RBMS3: variants seen among roughly 807,000 people sequenced by gnomAD.
RBMS3 encodes RNA-binding motif, single-stranded-interacting protein 3.
RBMS3 carries 27 observed loss-of-function variants against 66.8 expected under a neutral mutation model. That is an observed-to-expected ratio of 0.40 (90% CI 0.30 to 0.56). The LOEUF is 0.56. RBMS3 is among the 20% of genes least tolerant of loss of function. The pLI is 0.40. For synonymous variants in RBMS3, 188 were observed against 183.0 expected, an observed-to-expected ratio of 1.03 and a Z score of -0.22; for missense variants, 513 against 549.5, an observed-to-expected ratio of 0.93 and a Z score of 0.66.
At chr3:29,792,474 C>T (rs1339483296) in intron 6 of RBMS3, among the ~76,000 whole-genome samples, 5 of 152,124 alleles carry the variant, frequency 3.3e-5, no homozygotes, top group Admixed American at 1.3e-4. Context: ...AAAATGTGCA[C>T]ATATTGTTGT....
intron 12 of RBMS3, among the ~76,000 whole-genome samples, chr3:29,951,332 A>T (rs1364357658): frequency 6.6e-6 from 1 of 151,840 alleles, no homozygotes; most frequent in Non-Finnish European, 1.5e-5. Flanking sequence ...AACAGGAAAA[A>T]GTATGGTAGA....
chr3:29,972,039 G>T (rs990981361), intron 12 of RBMS3, among the ~76,000 whole-genome samples: 6 of 152,102 alleles, frequency 3.9e-5, no homozygotes, highest in African/African-American at 1.4e-4. Context: ...AATGGGAGTG[G>T]AATAAAATTT....
chr3:29,911,998 G>T (rs527317972), intron 10 of RBMS3, among the ~76,000 whole-genome samples: 1 of 152,114 alleles, frequency 6.6e-6, no homozygotes, highest in Non-Finnish European at 1.5e-5. Context: ...TAGATAGATA[G>T]ATAGATAAAT....
At chr3:29,910,008 A>G (rs553430614) in intron 10 of RBMS3, among the ~76,000 whole-genome samples, 13 of 152,250 alleles carry the variant, frequency 8.5e-5, no homozygotes, top group African/African-American at 3.1e-4. Flanking sequence ...TTTCTTCATT[A>G]CTTCATCATT....
chr3:29,997,738 T>G (rs1387860806), intron 14 of RBMS3, among the ~76,000 whole-genome samples: 3 of 152,090 alleles, frequency 2.0e-5, no homozygotes, highest in Non-Finnish European at 4.4e-5. Context: ...CTAAAAACTC[T>G]TAATAAATTA....
At chr3:29,953,262 G>A (rs751715940) in intron 12 of RBMS3, among the ~76,000 whole-genome samples, 17 of 151,936 alleles carry the variant, frequency 1.1e-4, no homozygotes, top group South Asian at 4.2e-4. Flanking sequence ...AGAAGGGCTC[G>A]AGCTGTCATT....
At chr3:29,997,020 G>C (rs551077696) in intron 14 of RBMS3, among the ~76,000 whole-genome samples, 1 of 151,706 alleles carries the variant, frequency 6.6e-6, no homozygotes. Context: ...TAGACCGCTA[G>C]CAAGACTAAT....
chr3:29,708,728 C>G (rs77030770), intron 4 of RBMS3, among the ~76,000 whole-genome samples: 4,254 of 152,210 alleles, frequency 0.028, 85 homozygotes, highest in Admixed American at 0.064. Flanking sequence ...CTCCCTACAC[C>G]TGTTTCTGGT....
At chr3:29,779,034 CT>C in intron 6 of RBMS3, among the ~76,000 whole-genome samples, 1 of 151,776 alleles carries the variant, frequency 6.6e-6, no homozygotes, top group Non-Finnish European at 1.5e-5. Context: ...TACATCATTT[CT>C]TTAGTCTGGT....
chr3:29,794,053 T>C (rs2057097805), intron 6 of RBMS3, among the ~76,000 whole-genome samples: 1 of 152,204 alleles, frequency 6.6e-6, no homozygotes, highest in Non-Finnish European at 1.5e-5. Flanking sequence ...TCTGCCATGA[T>C]TGTAAGTTTC....
chr3:29,425,249 C>T (rs939980260), intron 1 of RBMS3, among the ~76,000 whole-genome samples: 2 of 149,340 alleles, frequency 1.3e-5, no homozygotes, highest in Non-Finnish European at 3.0e-5. Context: ...TGTCACCCGC[C>T]TGTAGTCCCA....
chr3:29,397,177 A>G lies in RBMS3; in HGVS notation c.76-37566A>G, dbSNP rs150722448. Among the ~76,000 whole-genome samples the G allele has an allele frequency of 1.2e-4, 18 of 152,278 alleles. No homozygotes were observed. The East Asian group carries it at 3.5e-3, about 29-fold the overall frequency. ...ACTGATGCTCTTTAAATGCATGTTT[A>G]TATACACAATTTCCAGGATGACATG... On this transcript the variant is annotated intron_variant, in intron 1 of 14. Coordinates refer to ENST00000383767, the MANE Select transcript of RBMS3 (RefSeq NM_001003793.3).
rs1336380940 is a variant in RBMS3, at chr3:30,005,066, T to C, written c.*1204T>C. On this transcript the variant is annotated 3_prime_UTR_variant, in exon 15 of 15. Transcript: ENST00000383767. The stretch of plus-strand genomic sequence containing the variant: ...AAGATGAAGTGACACCCTATTACAG[T>C]CCAGAAGATAGAGGTTGTTTTCGTT... The C allele has an allele frequency of 6.6e-6, 1 of 151,336 alleles. No individual in the cohort carries two copies. The highest frequency in any genetic ancestry group is 1.5e-5 in the Non-Finnish European group (1 of 67,614). 9.4% of individuals were successfully genotyped at this position (151,336 alleles called of 1,614,324 possible). A position where few individuals can be genotyped will look rare whatever the true frequency, so the allele number is the denominator to read the frequency against.
intron 12 of RBMS3, among the ~76,000 whole-genome samples, chr3:29,979,335 AC>A (rs1161458174): frequency 6.6e-6 from 1 of 152,186 alleles, no homozygotes; most frequent in Non-Finnish European, 1.5e-5. Context: ...CATGTTGACA[AC>A]TTTATTGAAT....
At chr3:29,818,520 A>C (rs570346110) in intron 6 of RBMS3, among the ~76,000 whole-genome samples, 1 of 152,072 alleles carries the variant, frequency 6.6e-6, no homozygotes. Context: ...TCTTTATAAA[A>C]TGTTTTATTG....
At chr3:29,920,901 C>A (rs538285819) in intron 10 of RBMS3, among the ~76,000 whole-genome samples, 20 of 149,380 alleles carry the variant, frequency 1.3e-4, no homozygotes, top group Non-Finnish European at 2.5e-4. Context: ...ACCAGTGAAG[C>A]TTTAATATTT....
intron 10 of RBMS3, among the ~76,000 whole-genome samples, chr3:29,904,669 G>A (rs2060333063): frequency 6.6e-6 from 1 of 151,948 alleles, no homozygotes; most frequent in Non-Finnish European, 1.5e-5. Context: ...TTTTCAAATT[G>A]CCTTTTAGAT....
chr3:29,333,204 A>G (rs542185742), intron 1 of RBMS3, among the ~76,000 whole-genome samples: 1 of 152,148 alleles, frequency 6.6e-6, no homozygotes, highest in African/African-American at 2.4e-5. Context: ...GGCAAACTCT[A>G]AAACTATATT....
intron 6 of RBMS3, among the ~76,000 whole-genome samples, chr3:29,841,667 C>G (rs1260626777): frequency 6.6e-6 from 1 of 151,948 alleles, no homozygotes; most frequent in Admixed American, 6.6e-5. Flanking sequence ...TTAAACACTC[C>G]TTTTCTCCAC....
Sources: gnomAD v4.1 joint callset for allele counts (sites outside exome capture counted in the v4.1 genomes callset) on GRCh38, gnomAD v4.1.1 for gene constraint, MANE v1.5 for transcripts, NCBI Gene and HGNC (gene_info 2026-07-23, HGNC 2026-07-21) for gene names.